DPP10: variants seen among roughly 807,000 people sequenced by gnomAD.
DPP10 encodes dipeptidyl peptidase like 10.
Under a neutral mutation model 120.9 loss-of-function variants are expected in DPP10, and 33 were observed. The ratio of observed to expected loss-of-function variants is 0.27; its 90% confidence interval spans 0.21 to 0.37. The LOEUF (loss-of-function observed/expected upper bound fraction) is 0.37. Among genes scored for constraint, DPP10 ranks in the 10% least tolerant of loss-of-function variants. The probability of loss-of-function intolerance (pLI) is 1.00; values close to 1 mark genes in which losing one functional copy is unlikely to be tolerated. For missense variants in DPP10, 816 were observed against 942.8 expected (o/e 0.87, Z 1.76); for synonymous variants, 337 against 326.1 (o/e 1.03, Z -0.36).
intron 7 of DPP10, among the ~76,000 whole-genome samples, chr2:115,724,707 A>G (rs1339098737): frequency 2.0e-5 from 3 of 152,156 alleles, no homozygotes; most frequent in Non-Finnish European, 2.9e-5. Flanking sequence ...TGCTATAGAG[A>G]AACACCTGAG....
intron 1 of DPP10, among the ~76,000 whole-genome samples, chr2:114,931,057 A>C (rs1163344155): frequency 6.6e-6 from 1 of 152,190 alleles, no homozygotes; most frequent in Non-Finnish European, 1.5e-5. Flanking sequence ...ATCTCTAAGA[A>C]GTTTCCAACT....
At chr2:115,075,396 G>T (rs1416498139) in intron 1 of DPP10, among the ~76,000 whole-genome samples, 1 of 152,290 alleles carries the variant, frequency 6.6e-6, no homozygotes, top group East Asian at 1.9e-4. Context: ...GTAAAGATAG[G>T]TCAGTGCTTA....
chr2:114,640,597 T>C (rs987460569), intron 1 of DPP10, among the ~76,000 whole-genome samples: 2 of 151,782 alleles, frequency 1.3e-5, no homozygotes, highest in African/African-American at 2.4e-5. Context: ...AGTGGTTATT[T>C]CCTGTTCCCT....
intron 1 of DPP10, chr2:115,234,044 G>C: frequency 2.2e-6 from 1 of 460,706 alleles, no homozygotes; most frequent in Non-Finnish European, 4.2e-6. Context: ...TTGAAGAAAG[G>C]GACATTTTAA....
intron 1 of DPP10, among the ~76,000 whole-genome samples, chr2:114,644,815 G>A (rs1573871343): frequency 6.6e-6 from 1 of 151,926 alleles, no homozygotes; most frequent in South Asian, 2.1e-4. Context: ...CACCTCTGAA[G>A]TTAGAGGACG....
At chr2:114,631,347 C>T (rs1694909731) in intron 1 of DPP10, among the ~76,000 whole-genome samples, 1 of 152,078 alleles carries the variant, frequency 6.6e-6, no homozygotes, top group African/African-American at 2.4e-5. Context: ...GCACCACTCA[C>T]TGCAGGCCAC....
At chr2:115,472,187 G>C (rs536892456) in intron 3 of DPP10, among the ~76,000 whole-genome samples, 1 of 152,110 alleles carries the variant, frequency 6.6e-6, no homozygotes, top group African/African-American at 2.4e-5. Flanking sequence ...ATTCTGACAA[G>C]CATATTCAGT....
At position 114,534,976 on chromosome 2, in the gene DPP10, G is replaced by A. The variant is rs1203210858; in HGVS notation, c.60+92138G>A. 2.6e-5 allele frequency among the ~76,000 whole-genome samples: 4 copies of A among 152,054 alleles called. No individual in the cohort carries two copies. In the East Asian group the frequency reaches 7.8e-4, roughly 29 times the overall value. On this transcript the variant is annotated intron_variant, in intron 1 of 25. Coordinates refer to ENST00000410059, the MANE Select transcript of DPP10 (RefSeq NM_020868.6). ...TTTCAATTTTCTTTGATACTGACTT[G>A]TAATTTAACTTTCTCGGCTCTATCA...
intron 1 of DPP10, among the ~76,000 whole-genome samples, chr2:114,620,647 G>A (rs1008108427): frequency 9.2e-5 from 14 of 151,946 alleles, no homozygotes; most frequent in African/African-American, 9.7e-5. Flanking sequence ...TTGGTTTTAC[G>A]TATTTGTTTT....
chr2:114,851,734 A>G (rs1347045871), intron 1 of DPP10, among the ~76,000 whole-genome samples: 3 of 152,124 alleles, frequency 2.0e-5, no homozygotes, highest in African/African-American at 4.8e-5. Flanking sequence ...ATGGTTTTCA[A>G]TCATGTAGGT....
At chr2:114,618,224 A>C (rs190095327) in intron 1 of DPP10, among the ~76,000 whole-genome samples, 12 of 152,134 alleles carry the variant, frequency 7.9e-5, no homozygotes, top group African/African-American at 2.9e-4. Context: ...CTCTAATCAA[A>C]TGTCTCATGC....
intron 20 of DPP10, among the ~76,000 whole-genome samples, chr2:115,815,429 A>C (rs1247599850): frequency 1.3e-5 from 2 of 152,174 alleles, no homozygotes; most frequent in Admixed American, 1.3e-4. Flanking sequence ...ATGTTGATTC[A>C]GTAGGCCTGG....
At chr2:115,440,956 G>A (rs2071983185) in intron 3 of DPP10, 1 of 152,166 alleles carries the variant, frequency 6.6e-6, no homozygotes, top group African/African-American at 2.4e-5. Flanking sequence ...CCTGGCAGAA[G>A]CGGGTTGGGT....
In DPP10 at chr2:115,377,346, T is replaced by C. The variant is rs1574617020; in HGVS notation, c.271+33434T>C. Among the ~76,000 whole-genome samples the C allele has an allele frequency of 1.2e-4, 19 of 152,312 alleles. No homozygotes were observed. In the South Asian group the frequency reaches 3.7e-3, roughly 30 times the overall value. On this transcript the variant is annotated intron_variant, in intron 3 of 25. Transcript: ENST00000410059. ...CATGTGTTTTTTGGCTGCATAAATGTCTTGTTTTGAGAAGTGTCTGTTCAT... is the reference window on the plus strand; with the variant it reads ...CATGTGTTTTTTGGCTGCATAAATGCCTTGTTTTGAGAAGTGTCTGTTCAT...
intron 8 of DPP10, among the ~76,000 whole-genome samples, chr2:115,736,027 T>G (rs890622925): frequency 1.3e-5 from 2 of 152,074 alleles, no homozygotes; most frequent in African/African-American, 4.8e-5. Context: ...TTTGTCTTTT[T>G]TTGGGGGAGT....
chr2:114,585,254 A>T (rs1026857805), intron 1 of DPP10, among the ~76,000 whole-genome samples: 1 of 152,106 alleles, frequency 6.6e-6, no homozygotes, highest in Non-Finnish European at 1.5e-5. Context: ...TGTAGGACTG[A>T]GGTTGCCAGT....
At position 114,497,838 on chromosome 2, in the gene DPP10, A is replaced by G. The variant is rs549704896; in HGVS notation, c.60+55000A>G. Among the ~76,000 whole-genome samples, 8 of 152,290 alleles carry G rather than the reference A, an allele frequency of 5.3e-5. No homozygotes were observed. In the East Asian group the frequency reaches 1.2e-3, roughly 22 times the overall value. On this transcript the variant is annotated intron_variant, in intron 1 of 25. Coordinates refer to ENST00000410059, the MANE Select transcript of DPP10 (RefSeq NM_020868.6). ...GAAGCCAAAAGTACAGGCACCCAAC[A>G]AAGTGGGAGGCACAGAACAAGGGGG...
chr2:114,504,995 T>A (rs200539495), intron 1 of DPP10, among the ~76,000 whole-genome samples: 2 of 132,300 alleles, frequency 1.5e-5, no homozygotes, highest in Non-Finnish European at 3.0e-5. Flanking sequence ...GAGGTTGCAG[T>A]GAGCCAACAT....
intron 1 of DPP10, among the ~76,000 whole-genome samples, chr2:115,270,091 C>T (rs890906926): frequency 2.0e-5 from 3 of 148,898 alleles, no homozygotes; most frequent in Admixed American, 2.0e-4. Flanking sequence ...CACACACACA[C>T]ACACACACAC....
Sources: gnomAD v4.1 joint callset for allele counts (sites outside exome capture counted in the v4.1 genomes callset) on GRCh38, gnomAD v4.1.1 for gene constraint, MANE v1.5 for transcripts, NCBI Gene and HGNC (gene_info 2026-07-23, HGNC 2026-07-21) for gene names.